GRP: variants seen among roughly 807,000 people sequenced by gnomAD.
The protein encoded by GRP is gastrin releasing peptide.
Under a neutral mutation model 12.7 loss-of-function variants are expected in GRP, and 11 were observed. That is an observed-to-expected ratio of 0.87 (90% CI 0.55 to 1.44). The LOEUF is 1.44. GRP is among the 40% of genes most tolerant of loss of function. GRP has a pLI of 0.00. For missense variants in GRP, 212 were observed against 185.4 expected (o/e 1.14, Z -0.83); for synonymous variants, 84 against 77.7 (o/e 1.08, Z -0.43).
chr18:59,226,218 T>C (rs1438407726), intron 2 of GRP, among the ~76,000 whole-genome samples: 1 of 152,208 alleles, frequency 6.6e-6, no homozygotes, highest in Non-Finnish European at 1.5e-5. Flanking sequence ...TTCATCCTAA[T>C]ATTTTAAAAC....
chr18:59,222,947 A>G (rs2069859136), intron 1 of GRP, among the ~76,000 whole-genome samples: 1 of 152,220 alleles, frequency 6.6e-6, no homozygotes, highest in African/African-American at 2.4e-5. Flanking sequence ...TGGACGTGAG[A>G]CATATCCCAG....
chr18:59,220,129 T>G, upstream of GRP: 77 of 228,140 alleles, frequency 3.4e-4, no homozygotes, highest in East Asian at 1.3e-3. Context: ...CGGGCTTCCA[T>G]ATAAAGTAGG....
chr18:59,230,647 G>A lies in GRP; in HGVS notation c.*179G>A. The A allele has an allele frequency of 3.5e-6, 2 of 577,246 alleles. No individual in the cohort carries two copies. The highest frequency in any genetic ancestry group is 3.7e-5 in the African/African-American group (2 of 53,666). The allele number at this position is 577,246 out of a possible 1,614,324, so 35.8% of individuals were successfully genotyped here. The stretch of plus-strand genomic sequence containing the variant: ...AGCATCTTCTGGTTTAAACTTGTTT[G>A]CTGTGAACAATTGTCGAAAAGAGTC... On this transcript the variant is annotated 3_prime_UTR_variant, in exon 3 of 3. Coordinates refer to ENST00000256857, the MANE Select transcript of GRP (RefSeq NM_002091.5).
At chr18:59,221,462 C>T (rs1481566262) in intron 1 of GRP, among the ~76,000 whole-genome samples, 1 of 152,200 alleles carries the variant, frequency 6.6e-6, no homozygotes, top group Admixed American at 6.5e-5. Context: ...GAGCGTCCAA[C>T]TTCCTCACTC....
chr18:59,225,735 G>A lies in GRP; in HGVS notation c.382+1G>A, dbSNP rs753208884. The A allele has an allele frequency of 6.2e-7, 1 of 1,613,500 alleles. No individual in the cohort carries two copies. The highest frequency in any genetic ancestry group is 8.5e-7 in the Non-Finnish European group (1 of 1,179,678). On this transcript the variant is annotated splice_donor_variant, in intron 2 of 2. Coordinates refer to ENST00000256857, the MANE Select transcript of GRP (RefSeq NM_002091.5). LOFTEE classifies it high-confidence loss of function. Reference sequence around the variant, plus strand: ...AAAGATGTAGGTTCAAAAGGCAAAGGTAAAAGAAACATACATGCAAGATGG... The same window carrying A: ...AAAGATGTAGGTTCAAAAGGCAAAGATAAAAGAAACATACATGCAAGATGG...
chr18:59,222,489 C>T (rs1008198273), intron 1 of GRP, among the ~76,000 whole-genome samples: 4 of 152,146 alleles, frequency 2.6e-5, no homozygotes, highest in African/African-American at 9.7e-5. Context: ...GAAGTAGAAA[C>T]TCACATTTTA....
At position 59,220,364 on chromosome 18, in the gene GRP, G is replaced by A; in HGVS notation, c.99G>A (p.Val33=). Reference sequence around the variant, plus strand: ...CGCTGCCTGCGGGCGGAGGGACCGTGCTGACCAAGATGTACCCGCGCGGCA... The same window carrying A: ...CGCTGCCTGCGGGCGGAGGGACCGTACTGACCAAGATGTACCCGCGCGGCA... ...AVPLPAGGGT[V]LTKMYPRGNH... is the part of the protein sequence containing the mutation. Residue 33 remains valine, a synonymous_variant, in exon 1 of 3, where the codon GTG becomes GTA. Coordinates refer to ENST00000256857, the MANE Select transcript of GRP (RefSeq NM_002091.5). The A allele has an allele frequency of 6.9e-7, 1 of 1,459,734 alleles. No homozygotes were observed. The highest frequency in any genetic ancestry group is 1.4e-5 in the South Asian group (1 of 72,912). 90.4% of individuals were successfully genotyped at this position (1,459,734 alleles called of 1,614,324 possible).
chr18:59,226,992 CCTTTCTTT>C (rs34258044), intron 2 of GRP, among the ~76,000 whole-genome samples: 17,665 of 107,564 alleles, frequency 0.16, 1,449 homozygotes, highest in Middle Eastern at 0.24. Flanking sequence ...TTCTTTTCTT[CCTTTCTTT>C]CTTTCTTTCT....
At position 59,230,539 on chromosome 18, in the gene GRP, C is replaced by T. The variant is rs2742; in HGVS notation, c.*71C>T. 9.1e-5 allele frequency: 76 copies of T among 836,518 alleles called. 1 individual carries two copies. The highest frequency in any genetic ancestry group is 6.6e-4 in the Middle Eastern group (3 of 4,530). 51.8% of individuals were successfully genotyped at this position (836,518 alleles called of 1,614,324 possible). ...CTGCGTTCTGCAAGCATCAGTTCTACGGATCATCAACAAGATTTCCTTGTG... is the reference window on the plus strand; with the variant it reads ...CTGCGTTCTGCAAGCATCAGTTCTATGGATCATCAACAAGATTTCCTTGTG... On this transcript the variant is annotated 3_prime_UTR_variant, in exon 3 of 3. Transcript: ENST00000256857.
At chr18:59,225,220 A>C (rs868787926) in intron 1 of GRP, among the ~76,000 whole-genome samples, 26 of 152,166 alleles carry the variant, frequency 1.7e-4, no homozygotes, top group African/African-American at 5.6e-4. Context: ...ACGACTTGGC[A>C]GAGGTGACCT....
chr18:59,219,381 C>A (rs1235554307), upstream of GRP, among the ~76,000 whole-genome samples: 1 of 143,728 alleles, frequency 7.0e-6, no homozygotes. Flanking sequence ...TGGAGGGCAG[C>A]AGAGGGGGAG....
rs376232226 is a variant in GRP at position 59,223,291 on chromosome 18, G to A, written c.140-2201G>A. 3.3e-5 allele frequency among the ~76,000 whole-genome samples: 5 copies of A among 152,300 alleles called. No individual in the cohort carries two copies. In the East Asian group the frequency reaches 9.7e-4, roughly 29 times the overall value. Reference sequence around the variant, plus strand: ...AGGTGGAAGTGGGCGTATCATCCATGTTGCCATGGAGATGACGATTTGGTT... The same window carrying A: ...AGGTGGAAGTGGGCGTATCATCCATATTGCCATGGAGATGACGATTTGGTT... On this transcript the variant is annotated intron_variant, in intron 1 of 2. Coordinates refer to ENST00000256857, the MANE Select transcript of GRP (RefSeq NM_002091.5).
At chr18:59,225,852 AT>A in intron 2 of GRP, 118 bp downstream of exon 2, 1 of 870,166 alleles carries the variant, frequency 1.1e-6, no homozygotes. Context: ...CAGTCACTAC[AT>A]TAGGCTAACA....
At chr18:59,219,624 G>A (rs976251857), upstream of GRP, among the ~76,000 whole-genome samples, 2 of 151,500 alleles carry the variant, frequency 1.3e-5, no homozygotes, top group Non-Finnish European at 2.9e-5. Flanking sequence ...AAGAGAGAGA[G>A]ATCTGCAAGG....
intron 1 of GRP, among the ~76,000 whole-genome samples, chr18:59,221,595 C>CTGTGTGTG (rs143541111): frequency 0.01 from 1,546 of 149,866 alleles, 20 homozygotes; most frequent in African/African-American, 0.035. Context: ...GTGTGTGTCT[C>CTGTGTGTG]TGTGTGTGTG....
In GRP at chr18:59,225,641, C is replaced by T; in HGVS notation, c.289C>T (p.Gln97Ter). Reference protein sequence around the residue: ...LIEAKENRNHQPPQPKALGNQ... With the variant: ...LIEAKENRNH Reference sequence around the variant, plus strand: ...AGAAGCAAAGGAGAACAGAAACCACCAGCCACCTCAACCCAAGGCCCTGGG... The same window carrying T: ...AGAAGCAAAGGAGAACAGAAACCACTAGCCACCTCAACCCAAGGCCCTGGG... The change falls in exon 2 of 3, where the codon CAG becomes TAG. Residue 97 changes from glutamine to a stop codon, truncating the protein, a stop_gained. Transcript: ENST00000256857. LOFTEE classifies it high-confidence loss of function. The T allele has an allele frequency of 6.2e-7, 1 of 1,614,086 alleles. No homozygotes were observed. Among genetic ancestry groups the T allele is most frequent in the African/African-American group, 1.3e-5 (1 of 75,016 alleles).
chr18:59,230,449 C>A lies in GRP; in HGVS notation c.428C>A (p.Pro143His). 1 of 1,591,986 alleles carries A rather than the reference C, an allele frequency of 6.3e-7. No individual in the cohort carries two copies. The highest frequency in any genetic ancestry group is 8.6e-7 in the Non-Finnish European group (1 of 1,159,720). Residue 143 changes from proline (P) to histidine (H), a missense_variant, in exon 3 of 3, where the codon CCC becomes CAC. By Grantham distance (77) the Pro-to-His change is moderately conservative. Transcript: ENST00000256857. ...GGTTCTCAACGTGAAGGAAGGAACC[C>A]CCAGCTGAACCAGCAATGATAATGA... ...APGSQREGRNPQLNQQ is the reference protein window; with the variant it reads ...APGSQREGRNHQLNQQ
At position 59,220,349 on chromosome 18, in the gene GRP, G is replaced by T; in HGVS notation, c.84G>T (p.Ala28=). ...APRGRAVPLP[A]GGGTVLTKMY... Reference sequence around the variant, plus strand: ...GGGGGCGAGCGGTCCCGCTGCCTGCGGGCGGAGGGACCGTGCTGACCAAGA... The same window carrying T: ...GGGGGCGAGCGGTCCCGCTGCCTGCTGGCGGAGGGACCGTGCTGACCAAGA... Residue 28 remains alanine (A), a synonymous_variant, in exon 1 of 3, where the codon GCG becomes GCT. Coordinates refer to ENST00000256857, the MANE Select transcript of GRP (RefSeq NM_002091.5). 1 of 1,481,138 alleles carries T rather than the reference G, an allele frequency of 6.8e-7. No homozygotes were observed. Among genetic ancestry groups the T allele is most frequent in the Non-Finnish European group, 8.9e-7 (1 of 1,119,066 alleles). The allele number at this position is 1,481,138 out of a possible 1,614,324, so 91.7% of individuals were successfully genotyped here.
At chr18:59,229,493 T>G (rs2069996647) in intron 2 of GRP, among the ~76,000 whole-genome samples, 1 of 152,138 alleles carries the variant, frequency 6.6e-6, no homozygotes, top group Non-Finnish European at 1.5e-5. Context: ...CAAGCAAAGC[T>G]AATTGGCATG....
Sources: gnomAD v4.1 joint callset for allele counts (sites outside exome capture counted in the v4.1 genomes callset) on GRCh38, gnomAD v4.1.1 for gene constraint, MANE v1.5 for transcripts, NCBI Gene and HGNC (gene_info 2026-07-23, HGNC 2026-07-21) for gene names.